Variants in ROBO1 observed in about 807,000 individuals in gnomAD.
ROBO1 encodes the protein roundabout guidance receptor 1.
In ROBO1, 149 loss-of-function variants were observed where a neutral mutation model predicts 195.9. The ratio of observed to expected loss-of-function variants is 0.76; its 90% CI spans 0.67 to 0.87. The LOEUF (loss-of-function observed/expected upper bound fraction) is 0.87. Ranked by LOEUF, ROBO1 falls within the 40% of genes least tolerant of loss-of-function variation. ROBO1 has a pLI of 0.00. For missense variants in ROBO1, 1,933 were observed against 2,068.3 expected, an observed-to-expected ratio of 0.93 and a Z score of 1.27; for synonymous variants, 816 against 733.2, an observed-to-expected ratio of 1.11 and a Z score of -1.82.
chr3:78,839,211 A>C (rs1383928926), intron 4 of ROBO1, among the ~76,000 whole-genome samples: 3 of 151,264 alleles, frequency 2.0e-5, no homozygotes, highest in Admixed American at 1.3e-4. Flanking sequence ...GATCGCTAGA[A>C]TATTTGATCA....
chr3:79,306,640 T>A (rs1465324134), intron 2 of ROBO1, among the ~76,000 whole-genome samples: 1 of 152,230 alleles, frequency 6.6e-6, no homozygotes, highest in African/African-American at 2.4e-5. Flanking sequence ...ATATATAGTA[T>A]TATTTTGTTT....
intron 5 of ROBO1, among the ~76,000 whole-genome samples, chr3:78,735,772 T>A (rs1399435424): frequency 1.3e-5 from 2 of 152,216 alleles, no homozygotes; most frequent in Non-Finnish European, 2.9e-5. Context: ...TGTTGAGTTT[T>A]TTGTTAAGAT....
At chr3:78,608,311 G>A (rs1051561708) in intron 28 of ROBO1, among the ~76,000 whole-genome samples, 1 of 151,976 alleles carries the variant, frequency 6.6e-6, no homozygotes, top group Non-Finnish European at 1.5e-5. Flanking sequence ...TCACTATGTT[G>A]CTCAGGCTGG....
Position 79,750,851 on chromosome 3 carries a change from A to G in ROBO1, c.-51+16901T>C, listed in dbSNP as rs555134401. On this transcript the variant is annotated intron_variant, in intron 1 of 30. Transcript: ENST00000464233. Reference sequence around the variant, plus strand: ...TACATGGTCTTTTCTGTTTTCTTAAATTCTCTGATTGTTTCAGGTGATGAG... The same window carrying G: ...TACATGGTCTTTTCTGTTTTCTTAAGTTCTCTGATTGTTTCAGGTGATGAG... 3.3e-5 allele frequency among the ~76,000 whole-genome samples: 5 copies of G among 152,266 alleles called. No homozygotes were observed. The East Asian group carries it at 9.7e-4, about 29-fold the overall frequency.
In ROBO1 at chr3:79,096,483, G is replaced by T. The variant is rs1279347378; in HGVS notation, c.172+28973C>A. Among the ~76,000 whole-genome samples, 4 of 151,760 alleles carry T rather than the reference G, an allele frequency of 2.6e-5. No homozygotes were observed. In the South Asian group the frequency reaches 8.3e-4, roughly 31 times the overall value. ...CCCCTTCATGATTTTACCCAAATAT[G>T]TAATCTGGTGGAATAACTCAGCATG... On this transcript the variant is annotated intron_variant, in intron 3 of 30. Transcript: ENST00000464233.
intron 5 of ROBO1, among the ~76,000 whole-genome samples, chr3:78,743,022 A>G (rs2082570395): frequency 6.6e-6 from 1 of 152,222 alleles, no homozygotes; most frequent in Admixed American, 6.5e-5. Context: ...AATTTATTAT[A>G]GTGATTTTAA....
At chr3:78,894,326 A>G (rs2037104060) in intron 4 of ROBO1, among the ~76,000 whole-genome samples, 1 of 152,202 alleles carries the variant, frequency 6.6e-6, no homozygotes, top group African/African-American at 2.4e-5. Context: ...ATCTAAAGAA[A>G]TGAAAAAACC....
chr3:79,052,464 C>T (rs924152384), intron 3 of ROBO1, among the ~76,000 whole-genome samples: 2 of 152,002 alleles, frequency 1.3e-5, no homozygotes, highest in Non-Finnish European at 2.9e-5. Flanking sequence ...CTCACTCTGC[C>T]TCTCTGCCCG....
chr3:79,026,322 G>A (rs975648506), intron 3 of ROBO1, among the ~76,000 whole-genome samples: 1 of 152,028 alleles, frequency 6.6e-6, no homozygotes, highest in Non-Finnish European at 1.5e-5. Flanking sequence ...ACTGTGAGGT[G>A]CAAATAAAAG....
chr3:79,482,869 ATAGT>A (rs1268525305), intron 2 of ROBO1, among the ~76,000 whole-genome samples: 1 of 152,294 alleles, frequency 6.6e-6, no homozygotes, highest in African/African-American at 2.4e-5. Flanking sequence ...AGTGGAATAA[ATAGT>A]TAATTTTATC....
chr3:79,298,185 C>A (rs1410750855), intron 2 of ROBO1, among the ~76,000 whole-genome samples: 1 of 152,014 alleles, frequency 6.6e-6, no homozygotes, highest in African/African-American at 2.4e-5. Context: ...GGTTAGAATT[C>A]TCTTAGGATC....
At chr3:79,631,949 G>A (rs1945356024) in intron 1 of ROBO1, among the ~76,000 whole-genome samples, 1 of 152,010 alleles carries the variant, frequency 6.6e-6, no homozygotes, top group Non-Finnish European at 1.5e-5. Flanking sequence ...TAGTCACAAT[G>A]GCTTTTATTA....
At chr3:79,679,347 A>T (rs994605415) in intron 1 of ROBO1, among the ~76,000 whole-genome samples, 2 of 151,956 alleles carry the variant, frequency 1.3e-5, no homozygotes, top group African/African-American at 2.4e-5. Context: ...TATTATAGGT[A>T]TGTAATGATT....
At chr3:79,414,637 C>T (rs1175920313) in intron 2 of ROBO1, among the ~76,000 whole-genome samples, 2 of 152,014 alleles carry the variant, frequency 1.3e-5, no homozygotes, top group Non-Finnish European at 2.9e-5. Context: ...AAAAGCAACA[C>T]TTTAGTCTGC....
At chr3:79,584,582 A>G (rs899672875) in intron 2 of ROBO1, among the ~76,000 whole-genome samples, 6 of 150,584 alleles carry the variant, frequency 4.0e-5, no homozygotes, top group African/African-American at 1.2e-4. Context: ...GTATGTAACA[A>G]GAGACCTCCA....
chr3:79,011,685 ATG>A (rs2077782409), intron 3 of ROBO1, among the ~76,000 whole-genome samples: 1 of 148,410 alleles, frequency 6.7e-6, no homozygotes, highest in Non-Finnish European at 1.5e-5. Context: ...ATAAATATAT[ATG>A]TTTTTCATAA....
chr3:78,905,028 A>ACC (rs1449842393), intron 4 of ROBO1, among the ~76,000 whole-genome samples: 1 of 50,628 alleles, frequency 2.0e-5, no homozygotes, highest in African/African-American at 3.1e-4. Context: ...CATATTTATT[A>ACC]TGGGGTCTTA....
At chr3:79,291,111 T>C (rs2032219278) in intron 2 of ROBO1, among the ~76,000 whole-genome samples, 1 of 152,200 alleles carries the variant, frequency 6.6e-6, no homozygotes. Flanking sequence ...TGTTATTCCA[T>C]ATTGATAACT....
chr3:78,769,816 A>G (rs1484698651), intron 4 of ROBO1, among the ~76,000 whole-genome samples: 1 of 151,994 alleles, frequency 6.6e-6, no homozygotes, highest in Non-Finnish European at 1.5e-5. Flanking sequence ...AAATAACTGT[A>G]TCTTTCCTTC....
Sources: allele counts gnomAD v4.1 joint callset (sites outside exome capture counted in the v4.1 genomes callset), GRCh38; gene constraint gnomAD v4.1.1; transcripts MANE v1.5; gene names NCBI Gene and HGNC (gene_info 2026-07-23, HGNC 2026-07-21).